Variants in ABLIM1 observed in about 807,000 individuals in gnomAD.
ABLIM1 encodes actin binding LIM protein 1.
ABLIM1 carries 40 observed loss-of-function variants against 107.0 expected under a neutral mutation model. The observed-to-expected ratio is 0.37, with a 90% CI of 0.29 to 0.49. The LOEUF (loss-of-function observed/expected upper bound fraction) is 0.49, where lower values mean the gene tolerates loss of function less well. ABLIM1 is among the 20% of genes least tolerant of loss of function. The pLI, the probability that ABLIM1 is intolerant of heterozygous loss-of-function variation, is 0.97. For missense variants in ABLIM1, 857 were observed against 1,008.5 expected (o/e 0.85, Z 2.04); for synonymous variants, 357 against 357.3 (o/e 1.00, Z 0.01).
chr10:114,713,880 T>A (rs1591869567), intron 1 of ABLIM1, among the ~76,000 whole-genome samples: 1 of 152,246 alleles, frequency 6.6e-6, no homozygotes, highest in Non-Finnish European at 1.5e-5. Flanking sequence ...CACAACAGAT[T>A]GAATGGCAAC....
At chr10:114,575,318 A>T in intron 3 of ABLIM1, 98 bp downstream of exon 3, 1 of 1,330,168 alleles carries the variant, frequency 7.5e-7, no homozygotes, top group Non-Finnish European at 1.0e-6. Flanking sequence ...AGTATGTGCT[A>T]CTCAAGACAA....
the ABLIM1 span, among the ~76,000 whole-genome samples, chr10:114,800,844 G>T: frequency 6.6e-6 from 1 of 152,058 alleles, no homozygotes; most frequent in African/African-American, 2.4e-5. Context: ...GAAAGTGGAG[G>T]TTGTAATCAG....
intron 1 of ABLIM1, among the ~76,000 whole-genome samples, chr10:114,729,747 TG>T (rs562241815): frequency 5.9e-5 from 9 of 152,280 alleles, no homozygotes; most frequent in African/African-American, 2.2e-4. Flanking sequence ...CTAATGGTTT[TG>T]CCTGTGGTCT....
chr10:114,704,234 A>ATC (rs146918307), intron 1 of ABLIM1, among the ~76,000 whole-genome samples: 12 of 96,814 alleles, frequency 1.2e-4, no homozygotes, highest in East Asian at 3.2e-4. Context: ...GACTCGAACA[A>ATC]TCTCTCTCTC....
At chr10:114,577,766 A>C (rs979865361) in intron 2 of ABLIM1, among the ~76,000 whole-genome samples, 1 of 152,196 alleles carries the variant, frequency 6.6e-6, no homozygotes, top group Non-Finnish European at 1.5e-5. Flanking sequence ...GTAGTGCTCA[A>C]GGTGGCTTAC....
chr10:114,690,118 G>T (rs991183221), intron 1 of ABLIM1: 8 of 1,232,500 alleles, frequency 6.5e-6, no homozygotes, highest in Non-Finnish European at 9.3e-6. Flanking sequence ...AGGGTCTGGT[G>T]GTTAAGATAA....
At chr10:114,539,356 TCAAA>T (rs1400835210) in intron 6 of ABLIM1, among the ~76,000 whole-genome samples, 3 of 143,638 alleles carry the variant, frequency 2.1e-5, no homozygotes, top group Non-Finnish European at 4.7e-5. Flanking sequence ...AGACTCTGTC[TCAAA>T]CAACAACAAC....
At chr10:114,588,767 A>C (rs1435909776) in intron 2 of ABLIM1, among the ~76,000 whole-genome samples, 1 of 151,878 alleles carries the variant, frequency 6.6e-6, no homozygotes, top group Non-Finnish European at 1.5e-5. Context: ...GGCCTTCCAA[A>C]GTATCGGGAT....
chr10:114,472,523 T>C (rs943880972), intron 10 of ABLIM1, among the ~76,000 whole-genome samples: 7 of 152,214 alleles, frequency 4.6e-5, no homozygotes, highest in Non-Finnish European at 5.9e-5. Context: ...TGTTGCCCCA[T>C]GCGCTCTACT....
chr10:114,729,815 A>G (rs920526470), intron 1 of ABLIM1, among the ~76,000 whole-genome samples: 9 of 152,128 alleles, frequency 5.9e-5, no homozygotes, highest in Non-Finnish European at 1.3e-4. Flanking sequence ...ATTACTGGGT[A>G]AAAAATAAGC....
At chr10:114,697,408 G>A (rs149351827) in intron 1 of ABLIM1, among the ~76,000 whole-genome samples, 7 of 152,362 alleles carry the variant, frequency 4.6e-5, no homozygotes, top group South Asian at 2.1e-4. Flanking sequence ...GAGCTGGCAC[G>A]CGGTTTTCGA....
intron 6 of ABLIM1, among the ~76,000 whole-genome samples, chr10:114,533,503 GCAAA>G (rs1390809609): frequency 1.3e-5 from 2 of 152,272 alleles, no homozygotes; most frequent in South Asian, 2.1e-4. Context: ...AGTAACAATA[GCAAA>G]CAAAGATAAA....
intron 15 of ABLIM1, 28 bp downstream of exon 15, chr10:114,447,852 C>T: frequency 6.2e-7 from 1 of 1,613,282 alleles, no homozygotes; most frequent in South Asian, 1.1e-5. Context: ...CAGTTTGTCC[C>T]TTTGACTTAG....
Position 114,444,057 on chromosome 10 carries a change from G to A in ABLIM1, c.1905C>T (p.Ala635=). ...KESRERSSLL[A]SRYDSPINSA... ...AGTTGATGGGAGAATCGTAGCGACT[G>A]GCTAACAGAGATGACCTTTCCCGGC... Residue 635 remains alanine, a synonymous_variant, in exon 17 of 23, where the codon GCC becomes GCT. Transcript: ENST00000533213. 1 of 1,611,968 alleles carries A rather than the reference G, an allele frequency of 6.2e-7. No homozygotes were observed. Among genetic ancestry groups the A allele is most frequent in the South Asian group, 1.1e-5 (1 of 90,602 alleles).
intron 12 of ABLIM1, among the ~76,000 whole-genome samples, chr10:114,461,604 A>G (rs2063927550): frequency 6.6e-6 from 1 of 152,112 alleles, no homozygotes; most frequent in Admixed American, 6.6e-5. Flanking sequence ...GGATCACTTG[A>G]AGCCAGGAGT....
chr10:114,532,981 C>T (rs1201878249), intron 6 of ABLIM1, among the ~76,000 whole-genome samples: 1 of 152,012 alleles, frequency 6.6e-6, no homozygotes, highest in South Asian at 2.1e-4. Context: ...CTGAGTGAAC[C>T]CAAAAAATTC....
At chr10:114,507,547 G>C (rs17091968) in intron 6 of ABLIM1, among the ~76,000 whole-genome samples, 21,958 of 152,128 alleles carry the variant, frequency 0.14, 1,774 homozygotes, top group Middle Eastern at 0.2. Context: ...GCCCCAAGTC[G>C]TCTGGATTCT....
the ABLIM1 span, among the ~76,000 whole-genome samples, chr10:114,787,910 T>C: frequency 8.9e-5 from 13 of 145,644 alleles, no homozygotes; most frequent in African/African-American, 1.3e-4. Flanking sequence ...GGGGAAAAGA[T>C]TGAGAAATCG....
At chr10:114,476,575 C>A (rs1320363456) in intron 8 of ABLIM1, among the ~76,000 whole-genome samples, 5 of 151,330 alleles carry the variant, frequency 3.3e-5, no homozygotes, top group African/African-American at 1.2e-4. Context: ...ACTTGGGAGG[C>A]GGAGGGTGCA....
Sources: allele counts gnomAD v4.1 joint callset (sites outside exome capture counted in the v4.1 genomes callset), GRCh38; gene constraint gnomAD v4.1.1; transcripts MANE v1.5; gene names NCBI Gene and HGNC (gene_info 2026-07-23, HGNC 2026-07-21).